Variants in CSNK1A1 observed in about 807,000 individuals in gnomAD.
CSNK1A1 encodes the protein casein kinase 1 alpha 1, also known as casein kinase I isoform alpha.
A neutral mutation model predicts 46.1 loss-of-function variants in CSNK1A1; 7 were observed. That is an observed-to-expected ratio of 0.15 (90% CI 0.09 to 0.29). The LOEUF (loss-of-function observed/expected upper bound fraction) is 0.29, where lower values mean the gene tolerates loss of function less well. Ranked by LOEUF, CSNK1A1 falls within the 10% of genes least tolerant of loss-of-function variation. CSNK1A1 has a pLI of 1.00. For missense variants in CSNK1A1, 96 were observed against 417.1 expected (o/e 0.23, Z 6.71); for synonymous variants, 137 against 141.5 (o/e 0.97, Z 0.23).
chr5:149,520,632 C>T (rs1325226052), intron 3 of CSNK1A1, among the ~76,000 whole-genome samples: 4 of 152,024 alleles, frequency 2.6e-5, no homozygotes, highest in Non-Finnish European at 4.4e-5. Flanking sequence ...GGGTCTAACC[C>T]CATAGGAAGA....
chr5:149,535,475 T>C (rs904921442), intron 2 of CSNK1A1, among the ~76,000 whole-genome samples: 3 of 152,156 alleles, frequency 2.0e-5, no homozygotes, highest in Admixed American at 6.5e-5. Flanking sequence ...CCTAACTCCC[T>C]AATTCAAACC....
rs1761691335 is a variant in CSNK1A1, at chr5:149,525,265, G to A, written c.231-94C>T. On this transcript the variant is annotated intron_variant, in intron 2 of 9. Coordinates refer to ENST00000377843, the MANE Select transcript of CSNK1A1 (RefSeq NM_001892.6). This position sits in a 1 kb window ranked among gnomAD's most constrained non-coding sequence, Gnocchi z 4.2. Reference sequence around the variant, plus strand: ...TAATATAGTTTTCTTTCACTGACTAGGTATTATATAAGGCGAATGTTCCCC... The same window carrying A: ...TAATATAGTTTTCTTTCACTGACTAAGTATTATATAAGGCGAATGTTCCCC... The A allele has an allele frequency of 8.1e-7, 1 of 1,236,226 alleles. No individual in the cohort carries two copies. The highest frequency in any genetic ancestry group is 2.0e-4 in the Middle Eastern group (1 of 5,006). The allele number at this position is 1,236,226 out of a possible 1,614,324, so 76.6% of individuals were successfully genotyped here.
intron 7 of CSNK1A1, among the ~76,000 whole-genome samples, chr5:149,509,167 C>T (rs1761134322): frequency 6.6e-6 from 1 of 152,046 alleles, no homozygotes; most frequent in African/African-American, 2.4e-5. Flanking sequence ...TCAAGCGATC[C>T]ACCCTCCTTC....
rs770089047 is a variant in CSNK1A1 at position 149,550,065 on chromosome 5, G to A, written c.230+10C>T. ...CCTCAGCGGATCGCCTATATGCACC[G>A]GGTTCTTACCGTATGTGGGGGATGC... On this transcript the variant is annotated intron_variant, in intron 2 of 9. Coordinates refer to ENST00000377843, the MANE Select transcript of CSNK1A1 (RefSeq NM_001892.6). The surrounding 1 kb of genome is among the most constrained non-coding windows in gnomAD (Gnocchi z 4.3). 10 of 1,611,420 alleles carry A rather than the reference G, an allele frequency of 6.2e-6. No individual in the cohort carries two copies. The highest frequency in any genetic ancestry group is 6.8e-6 in the Non-Finnish European group (8 of 1,178,472).
chr5:149,535,336 T>C (rs1462438566), intron 2 of CSNK1A1, among the ~76,000 whole-genome samples: 1 of 152,196 alleles, frequency 6.6e-6, no homozygotes, highest in Non-Finnish European at 1.5e-5. Flanking sequence ...TGGCCTAGGC[T>C]CAGTTCTGTA....
chr5:149,502,666 C>T (rs1336700795), intron 9 of CSNK1A1: 17 of 983,806 alleles, frequency 1.7e-5, no homozygotes, highest in Non-Finnish European at 1.9e-5. Context: ...TGAGCCACTG[C>T]GCCTGTCCTA....
chr5:149,501,051 G>A (rs962283250), intron 9 of CSNK1A1: 3 of 985,176 alleles, frequency 3.0e-6, no homozygotes, highest in Non-Finnish European at 3.6e-6. Context: ...CTGGTAGATG[G>A]TCTGCATTCA....
At chr5:149,505,808 TAAG>T (rs1476574202) in intron 8 of CSNK1A1, among the ~76,000 whole-genome samples, 1 of 152,170 alleles carries the variant, frequency 6.6e-6, no homozygotes, top group Non-Finnish European at 1.5e-5. Context: ...GGAATACTCA[TAAG>T]AGGAGGTACT....
intron 2 of CSNK1A1, among the ~76,000 whole-genome samples, chr5:149,539,091 A>T (rs929020797): frequency 1.1e-4 from 16 of 152,304 alleles, no homozygotes; most frequent in Non-Finnish European, 1.0e-4. Context: ...TGCATCTGAA[A>T]CATGTGAAGA....
At chr5:149,518,370 A>C (rs1761460408) in intron 4 of CSNK1A1, among the ~76,000 whole-genome samples, 1 of 152,144 alleles carries the variant, frequency 6.6e-6, no homozygotes, top group Admixed American at 6.5e-5. Flanking sequence ...CCTAAATATC[A>C]AATTCAGAAC....
chr5:149,542,609 TA>T (rs1561772108), intron 2 of CSNK1A1, among the ~76,000 whole-genome samples: 144 of 10,594 alleles, frequency 0.014, 16 homozygotes, highest in African/African-American at 0.048. Context: ...TATATATATA[TA>T]TATATATATA....
chr5:149,534,049 G>C (rs183741793), intron 2 of CSNK1A1, among the ~76,000 whole-genome samples: 3 of 152,268 alleles, frequency 2.0e-5, no homozygotes, highest in Non-Finnish European at 4.4e-5. Flanking sequence ...GAAACAAACT[G>C]TACAGCTTAA....
chr5:149,498,499 A>C (rs1340854385), intron 9 of CSNK1A1: 5 of 985,326 alleles, frequency 5.1e-6, no homozygotes, highest in Non-Finnish European at 6.0e-6. Flanking sequence ...ATACAGGAAA[A>C]GTTTCAAGCT....
chr5:149,542,539 AACCCAC>A lies in CSNK1A1; in HGVS notation c.230+7530_230+7535del. Among the ~76,000 whole-genome samples, 3 of 132,332 alleles carry A rather than the reference AACCCAC, an allele frequency of 2.3e-5. No individual in the cohort carries two copies. In the Middle Eastern group the frequency reaches 0.011, roughly 490 times the overall value. 86.8% of individuals were successfully genotyped at this position (132,332 alleles called of 152,430 possible). A position where few individuals can be genotyped will look rare whatever the true frequency, so the allele number is the denominator to read the frequency against. ...GGACCACTGACTAAAGCCAAGGAAT[AACCCAC>A]ATACTTTACATGGGTTCAAGCATTT... On this transcript the variant is annotated intron_variant, in intron 2 of 9. Transcript: ENST00000377843.
chr5:149,506,691 T>A (rs1561753236), intron 8 of CSNK1A1, among the ~76,000 whole-genome samples: 1 of 152,238 alleles, frequency 6.6e-6, no homozygotes, highest in Non-Finnish European at 1.5e-5. Flanking sequence ...GACTATGTGA[T>A]ATTTTAATTG....
At position 149,551,009 on chromosome 5, in the gene CSNK1A1, T is replaced by C; in HGVS notation, c.-45A>G. 1 of 1,611,690 alleles carries C rather than the reference T, an allele frequency of 6.2e-7. No homozygotes were observed. On this transcript the variant is annotated 5_prime_UTR_variant, in exon 1 of 10. Coordinates refer to ENST00000377843, the MANE Select transcript of CSNK1A1 (RefSeq NM_001892.6). ...GGCTGGGGCCAAGCCCCGACACCTC[T>C]GGGAAGAGGACGGAGGCCTCGGGGC...
chr5:149,499,306 GGGGAGGGGGA>G, intron 9 of CSNK1A1: 3 of 794,578 alleles, frequency 3.8e-6, no homozygotes, highest in Non-Finnish European at 4.5e-6. Flanking sequence ...TAAAAAAAAA[GGGGAGGGGGA>G]GGGGGGAGTT....
At chr5:149,549,053 T>C (rs760731418) in intron 2 of CSNK1A1, among the ~76,000 whole-genome samples, 1 of 152,198 alleles carries the variant, frequency 6.6e-6, no homozygotes, top group Non-Finnish European at 1.5e-5. Context: ...GACAGAACAA[T>C]GTCTATCTCG....
At chr5:149,520,258 T>C (rs765058052) in intron 4 of CSNK1A1, 32 bp downstream of exon 4, 1 of 1,350,692 alleles carries the variant, frequency 7.4e-7, no homozygotes, top group Non-Finnish European at 1.0e-6. Flanking sequence ...ACTTTACTCT[T>C]TGTTCTTTCA....
Sources: gnomAD v4.1 joint callset for allele counts (sites outside exome capture counted in the v4.1 genomes callset) on GRCh38, gnomAD v4.1.1 for gene constraint, Gnocchi (gnomAD v3.1) non-coding constraint, MANE v1.5 for transcripts, NCBI Gene and HGNC (gene_info 2026-07-23, HGNC 2026-07-21) for gene names.